The following KCNJ6 variants were observed in gnomAD, a reference collection of about 807,000 sequenced individuals.
The protein encoded by KCNJ6 is G protein-activated inward rectifier potassium channel 2.
Under a neutral mutation model 34.2 loss-of-function variants are expected in KCNJ6, and 9 were observed. The ratio of observed to expected loss-of-function variants is 0.26; its 90% CI spans 0.16 to 0.46. The LOEUF is 0.46. Among genes scored for constraint, KCNJ6 ranks in the 20% least tolerant of loss-of-function variants. The probability of loss-of-function intolerance (pLI) is 1.00; values close to 1 mark genes in which losing one functional copy is unlikely to be tolerated. For missense variants in KCNJ6, 236 were observed against 531.3 expected (o/e 0.44, Z 5.46); for synonymous variants, 196 against 207.1 (o/e 0.95, Z 0.46).
intron 3 of KCNJ6, among the ~76,000 whole-genome samples, chr21:37,696,143 C>T (rs2054662572): frequency 6.6e-6 from 1 of 152,148 alleles, no homozygotes; most frequent in Non-Finnish European, 1.5e-5. Flanking sequence ...TCAGAGGTAA[C>T]CATCGTAGAA....
At chr21:37,756,841 C>CGG (rs2055030174) in intron 2 of KCNJ6, among the ~76,000 whole-genome samples, 3 of 143,290 alleles carry the variant, frequency 2.1e-5, no homozygotes, top group African/African-American at 2.7e-5. Flanking sequence ...GATTCCAGCC[C>CGG]AGAGTGAGCA....
rs914110049 is a variant in KCNJ6, at chr21:37,609,647, C to T, written c.*15512G>A. On this transcript the variant is annotated 3_prime_UTR_variant, in exon 4 of 4. Transcript: ENST00000609713. The stretch of plus-strand genomic sequence containing the variant: ...ATATAACTAAAATAAAGCAGTAGTG[C>T]TACGGTTAAAATAAATCAGCTTAAT... The T allele has an allele frequency of 2.0e-5, 3 of 152,114 alleles. No individual in the cohort carries two copies. Among genetic ancestry groups the T allele is most frequent in the African/African-American group, 7.2e-5 (3 of 41,392 alleles). 9.4% of individuals were successfully genotyped at this position (152,114 alleles called of 1,614,324 possible).
At chr21:37,648,590 G>A (rs1327503317) in intron 3 of KCNJ6, among the ~76,000 whole-genome samples, 2 of 152,114 alleles carry the variant, frequency 1.3e-5, no homozygotes, top group African/African-American at 2.4e-5. Flanking sequence ...GCCAATAGGT[G>A]CATTTTCTCC....
At position 37,675,665 on chromosome 21, in the gene KCNJ6, G is replaced by A. The variant is rs1245889303; in HGVS notation, c.946+38546C>T. On this transcript the variant is annotated intron_variant, in intron 3 of 3. Coordinates refer to ENST00000609713, the MANE Select transcript of KCNJ6 (RefSeq NM_002240.5). The surrounding 1 kb of genome is among the most constrained non-coding windows in gnomAD (Gnocchi z 4.2). ...GGGCTGACCTCCTGATTCGGACTCC[G>A]CAGGTAGTCACTAGGGGCTTTCGCT... Among the ~76,000 whole-genome samples the A allele has an allele frequency of 2.6e-5, 4 of 152,256 alleles. No individual in the cohort carries two copies. The highest frequency in any genetic ancestry group is 5.9e-5 in the Non-Finnish European group (4 of 68,046).
At chr21:37,669,494 G>T (rs2054532128) in intron 3 of KCNJ6, among the ~76,000 whole-genome samples, 1 of 152,162 alleles carries the variant, frequency 6.6e-6, no homozygotes, top group African/African-American at 2.4e-5. Flanking sequence ...AAGCCTCAAA[G>T]AAATCTCTGC....
intron 3 of KCNJ6, among the ~76,000 whole-genome samples, chr21:37,627,895 T>A (rs1044137149): frequency 2.0e-5 from 3 of 152,302 alleles, no homozygotes; most frequent in African/African-American, 7.2e-5. Context: ...AGATTTTTGG[T>A]TACTGGCTCT....
intron 3 of KCNJ6, among the ~76,000 whole-genome samples, chr21:37,642,134 C>T (rs2054383528): frequency 6.6e-6 from 1 of 152,110 alleles, no homozygotes; most frequent in African/African-American, 2.4e-5. Context: ...AACCAAATCT[C>T]AGATCTACAG....
At chr21:37,876,553 A>T (rs1246072534) in intron 1 of KCNJ6, among the ~76,000 whole-genome samples, 1 of 152,152 alleles carries the variant, frequency 6.6e-6, no homozygotes, top group Non-Finnish European at 1.5e-5. Flanking sequence ...CAAAATAATG[A>T]TATCAGTGCA....
intron 3 of KCNJ6, among the ~76,000 whole-genome samples, chr21:37,626,833 A>G (rs1378926900): frequency 6.6e-6 from 1 of 152,248 alleles, no homozygotes; most frequent in East Asian, 1.9e-4. Context: ...TTTTAGATGG[A>G]ATGGTAATAT....
intron 2 of KCNJ6, among the ~76,000 whole-genome samples, chr21:37,740,565 G>T (rs1424394938): frequency 6.6e-6 from 1 of 151,242 alleles, no homozygotes; most frequent in African/African-American, 2.5e-5. Flanking sequence ...AAATGTATTT[G>T]ATTGAAGTCT....
At chr21:37,897,841 T>C (rs1174120441) in intron 1 of KCNJ6, among the ~76,000 whole-genome samples, 1 of 152,146 alleles carries the variant, frequency 6.6e-6, no homozygotes, top group Non-Finnish European at 1.5e-5. Context: ...TAAAAAGTCT[T>C]TTGCATCTGT....
At chr21:37,722,374 T>C (rs1447712654) in intron 2 of KCNJ6, among the ~76,000 whole-genome samples, 2 of 152,158 alleles carry the variant, frequency 1.3e-5, no homozygotes, top group Non-Finnish European at 2.9e-5. Context: ...CCCAAAGCAA[T>C]CTACAGATTC....
At chr21:37,716,260 G>C (rs367649908) in intron 2 of KCNJ6, among the ~76,000 whole-genome samples, 4 of 152,182 alleles carry the variant, frequency 2.6e-5, no homozygotes, top group East Asian at 3.9e-4. Flanking sequence ...AGTAAAAAAG[G>C]GTGGGGAAAT....
intron 3 of KCNJ6, among the ~76,000 whole-genome samples, chr21:37,648,046 T>C (rs11908739): frequency 0.16 from 24,182 of 152,230 alleles, 3,227 homozygotes; most frequent in African/African-American, 0.36. Flanking sequence ...GCAGGAAGCC[T>C]TTCCAGCCTG....
At chr21:37,857,042 G>A (rs1365503917) in intron 1 of KCNJ6, among the ~76,000 whole-genome samples, 13 of 152,172 alleles carry the variant, frequency 8.5e-5, no homozygotes, top group African/African-American at 3.1e-4. Context: ...CAAAATCTCT[G>A]CGGATAAAAG....
chr21:37,748,188 C>T (rs2054977394), intron 2 of KCNJ6, among the ~76,000 whole-genome samples: 3 of 152,180 alleles, frequency 2.0e-5, no homozygotes, highest in Non-Finnish European at 4.4e-5. Flanking sequence ...GTGAACACTT[C>T]CAACCCTGGA....
chr21:37,902,151 C>T (rs1019879851), intron 1 of KCNJ6, among the ~76,000 whole-genome samples: 17 of 152,194 alleles, frequency 1.1e-4, no homozygotes, highest in African/African-American at 3.6e-4. Flanking sequence ...TTTAAGGCAA[C>T]CCAGAAGAAC....
chr21:37,737,322 T>G (rs111264261), intron 2 of KCNJ6, among the ~76,000 whole-genome samples: 3 of 152,212 alleles, frequency 2.0e-5, no homozygotes, highest in African/African-American at 4.8e-5. Flanking sequence ...CCTGAACTAC[T>G]TGGTGGATTT....
chr21:37,889,714 C>T (rs2055752921), intron 1 of KCNJ6, among the ~76,000 whole-genome samples: 1 of 152,190 alleles, frequency 6.6e-6, no homozygotes, highest in Non-Finnish European at 1.5e-5. Context: ...GCCAGCAACC[C>T]TTGGCATTCC....
Sources: gnomAD v4.1 joint callset for allele counts (sites outside exome capture counted in the v4.1 genomes callset) on GRCh38, gnomAD v4.1.1 for gene constraint, Gnocchi (gnomAD v3.1) non-coding constraint, MANE v1.5 for transcripts, NCBI Gene and HGNC (gene_info 2026-07-23, HGNC 2026-07-21) for gene names.